Variants in GADL1 observed in about 807,000 individuals in gnomAD.
GADL1 encodes acidic amino acid decarboxylase GADL1.
In GADL1, 71 loss-of-function variants were observed where a neutral mutation model predicts 69.5. That is an observed-to-expected ratio of 1.02 (90% CI 0.84 to 1.25). The LOEUF (loss-of-function observed/expected upper bound fraction) is 1.25, where lower values mean the gene tolerates loss of function less well. GADL1 is among the 50% of genes most tolerant of loss of function. GADL1 has a pLI of 0.00. For synonymous variants in GADL1, 254 were observed against 214.4 expected (o/e 1.18, Z -1.62); for missense variants, 737 against 631.8 (o/e 1.17, Z -1.79).
In GADL1 at chr3:30,805,735, T is replaced by TTTTTTTTTTTTTTTTTTTTTTTTG. The variant is rs1697241755; in HGVS notation, c.1051-4671_1051-4648dup. Among the ~76,000 whole-genome samples the TTTTTTTTTTTTTTTTTTTTTTTTG allele has an allele frequency of 4.2e-5, 2 of 47,674 alleles. 1 individual carries two copies. Among genetic ancestry groups the TTTTTTTTTTTTTTTTTTTTTTTTG allele is most frequent in the African/African-American group, 1.8e-4 (2 of 11,382 alleles). 31.3% of individuals were successfully genotyped at this position (47,674 alleles called of 152,430 possible). ...TTCTGTGCACCAGCAGTCCCCAGCCTTTTTTTTTTTTTTTTTTTTTTTTGG... is the reference window on the plus strand; with the variant it reads ...TTCTGTGCACCAGCAGTCCCCAGCCTTTTTTTTTTTTTTTTTTTTTTTTGTTTTTTTTTTTTTTTTTTTTTTTGG... On this transcript the variant is annotated intron_variant, in intron 11 of 14. Coordinates refer to ENST00000282538, the MANE Select transcript of GADL1 (RefSeq NM_207359.3).
intron 11 of GADL1, among the ~76,000 whole-genome samples, chr3:30,801,926 TG>T (rs1697172155): frequency 6.6e-6 from 1 of 152,220 alleles, no homozygotes; most frequent in Admixed American, 6.5e-5. Flanking sequence ...TCAATGTCCT[TG>T]AACCACTACA....
intron 14 of GADL1, among the ~76,000 whole-genome samples, chr3:30,740,860 A>C (rs1417711468): frequency 6.8e-6 from 1 of 147,836 alleles, no homozygotes; most frequent in African/African-American, 2.5e-5. Context: ...CTTTGTTTTT[A>C]GTTATTTCCT....
intron 14 of GADL1, among the ~76,000 whole-genome samples, chr3:30,771,580 A>G (rs1457440717): frequency 6.6e-6 from 1 of 152,204 alleles, no homozygotes; most frequent in Non-Finnish European, 1.5e-5. Context: ...TACAGCTTGA[A>G]AGCGAGTGAT....
chr3:30,872,252 G>A (rs886592197), intron 1 of GADL1, among the ~76,000 whole-genome samples: 4 of 151,782 alleles, frequency 2.6e-5, no homozygotes, highest in East Asian at 1.9e-4. Context: ...CACTTTACTC[G>A]ATCATATCCT....
intron 14 of GADL1, among the ~76,000 whole-genome samples, chr3:30,743,917 G>A (rs917563258): frequency 6.6e-6 from 1 of 152,162 alleles, no homozygotes; most frequent in African/African-American, 2.4e-5. Flanking sequence ...TTTGGTGCAA[G>A]AATAGCATTT....
intron 1 of GADL1, among the ~76,000 whole-genome samples, chr3:30,877,783 G>A (rs75962697): frequency 0.029 from 4,358 of 152,002 alleles, 175 homozygotes; most frequent in African/African-American, 0.088. Flanking sequence ...GGCAAAATCT[G>A]AAGTGTGGAA....
At chr3:30,862,465 A>G (rs1698334515) in intron 1 of GADL1, among the ~76,000 whole-genome samples, 1 of 152,052 alleles carries the variant, frequency 6.6e-6, no homozygotes, top group African/African-American at 2.4e-5. Context: ...GACAAATCCT[A>G]TAATTAAGGT....
chr3:30,850,451 TTGAAA>T (rs1698131632), intron 5 of GADL1, among the ~76,000 whole-genome samples: 1 of 152,102 alleles, frequency 6.6e-6, no homozygotes, highest in Admixed American at 6.6e-5. Flanking sequence ...ATCAATAAAA[TTGAAA>T]TAATATTTGT....
At chr3:30,851,069 A>G (rs982985701) in intron 4 of GADL1, 128 bp from the exon 5 acceptor site, 20 of 572,826 alleles carry the variant, frequency 3.5e-5, no homozygotes, top group African/African-American at 2.8e-4. Flanking sequence ...TTGGAAATTT[A>G]TCCATTGAAA....
At chr3:30,842,374 G>C (rs1575230106) in intron 8 of GADL1, among the ~76,000 whole-genome samples, 2 of 151,950 alleles carry the variant, frequency 1.3e-5, no homozygotes, top group African/African-American at 2.4e-5. Context: ...GTGGTATGAG[G>C]GTATGTGGTA....
chr3:30,844,209 C>G lies in GADL1; in HGVS notation c.786+1G>C. 6.2e-7 allele frequency: 1 copy of G among 1,612,104 alleles called. No homozygotes were observed. On this transcript the variant is annotated splice_donor_variant, in intron 8 of 14. Transcript: ENST00000282538. LOFTEE classifies it high-confidence loss of function. Reference sequence around the variant, plus strand: ...CTCCCTCTCGCTTTCTCCCCTCTCACCTCTTTTCTGGCTTGCCAGACTTGC... The same window carrying G: ...CTCCCTCTCGCTTTCTCCCCTCTCAGCTCTTTTCTGGCTTGCCAGACTTGC...
At chr3:30,808,497 CAAA>C (rs58653600) in intron 11 of GADL1, among the ~76,000 whole-genome samples, 5 of 140,360 alleles carry the variant, frequency 3.6e-5, no homozygotes, top group Admixed American at 7.1e-5. Context: ...GACTCTATCT[CAAA>C]AAAAAAAAAA....
intron 1 of GADL1, among the ~76,000 whole-genome samples, chr3:30,863,458 G>C (rs1421563504): frequency 1.3e-5 from 2 of 151,924 alleles, no homozygotes; most frequent in East Asian, 3.9e-4. Context: ...GAGAAGAAAG[G>C]TTACTGCCTA....
At chr3:30,760,943 C>A (rs1322046006) in intron 14 of GADL1, among the ~76,000 whole-genome samples, 2 of 151,254 alleles carry the variant, frequency 1.3e-5, no homozygotes, top group African/African-American at 4.9e-5. Flanking sequence ...AGGCTGATGT[C>A]CTGTGCTGTT....
chr3:30,770,949 C>CT (rs1179594388), intron 14 of GADL1, among the ~76,000 whole-genome samples: 2 of 152,046 alleles, frequency 1.3e-5, no homozygotes, highest in Non-Finnish European at 2.9e-5. Context: ...GACCACAAAA[C>CT]AATATATTAA....
chr3:30,754,322 A>C (rs1695911173), intron 14 of GADL1, among the ~76,000 whole-genome samples: 1 of 152,192 alleles, frequency 6.6e-6, no homozygotes, highest in Admixed American at 6.5e-5. Flanking sequence ...AATTCTGTCA[A>C]ACTGATGAAA....
chr3:30,850,121 CAAAATT>C lies in GADL1; in HGVS notation c.536-16_536-11del, dbSNP rs777091247. The C allele has an allele frequency of 6.9e-7, 1 of 1,457,706 alleles. No individual in the cohort carries two copies. Among genetic ancestry groups the C allele is most frequent in the East Asian group, 2.3e-5 (1 of 43,888 alleles). 90.3% of individuals were successfully genotyped at this position (1,457,706 alleles called of 1,614,324 possible). A position where few individuals can be genotyped will look rare whatever the true frequency, so the allele number is the denominator to read the frequency against. ...TTGGACACTGAGCCACCTGCAAAAA[CAAAATT>C]AAAATGGCATATTTATAGCATGAAG... On this transcript the variant is annotated splice_polypyrimidine_tract_variant and intron_variant, in intron 5 of 14. Coordinates refer to ENST00000282538, the MANE Select transcript of GADL1 (RefSeq NM_207359.3).
chr3:30,849,379 A>G (rs1698109288), intron 6 of GADL1, among the ~76,000 whole-genome samples: 3 of 152,320 alleles, frequency 2.0e-5, no homozygotes, highest in South Asian at 4.1e-4. Context: ...AAACTGAGGC[A>G]CAAAGAAATT....
chr3:30,781,863 T>G (rs1233368507), intron 13 of GADL1, among the ~76,000 whole-genome samples: 1 of 152,206 alleles, frequency 6.6e-6, no homozygotes, highest in Non-Finnish European at 1.5e-5. Flanking sequence ...AGAGATGTCT[T>G]TTAAAGTGGA....
Sources: allele counts gnomAD v4.1 joint callset (sites outside exome capture counted in the v4.1 genomes callset), GRCh38; gene constraint gnomAD v4.1.1; transcripts MANE v1.5; gene names NCBI Gene and HGNC (gene_info 2026-07-23, HGNC 2026-07-21).